The following ATF7IP2 variants were observed in gnomAD, a reference collection of about 807,000 sequenced individuals.
ATF7IP2 encodes the protein activating transcription factor 7 interacting protein 2, also known as activating transcription factor 7-interacting protein 2.
A neutral mutation model predicts 64.2 loss-of-function variants in ATF7IP2; 42 were observed. The observed-to-expected ratio is 0.65, with a 90% confidence interval of 0.51 to 0.85. The LOEUF is 0.85. Among genes scored for constraint, ATF7IP2 ranks in the 40% least tolerant of loss-of-function variants. The pLI, the probability that ATF7IP2 is intolerant of heterozygous loss-of-function variation, is 0.00. For missense variants in ATF7IP2, 933 were observed against 784.2 expected, an observed-to-expected ratio of 1.19 and a Z score of -2.27; for synonymous variants, 308 against 272.8, an observed-to-expected ratio of 1.13 and a Z score of -1.27.
chr16:10,479,495 C>T (rs1338510506), intron 12 of ATF7IP2, among the ~76,000 whole-genome samples: 87 of 151,894 alleles, frequency 5.7e-4, no homozygotes, highest in Non-Finnish European at 1.1e-3. Context: ...ACACTGGGGC[C>T]TGTTGTAGGG....
chr16:10,409,555 T>C (rs768065700), intron 1 of ATF7IP2, among the ~76,000 whole-genome samples: 27 of 152,102 alleles, frequency 1.8e-4, no homozygotes, highest in Non-Finnish European at 3.4e-4. Flanking sequence ...GCCTCCTAAG[T>C]AGCTGAGACT....
chr16:10,399,117 G>A (rs1426759793), intron 1 of ATF7IP2, among the ~76,000 whole-genome samples: 3 of 150,844 alleles, frequency 2.0e-5, no homozygotes, highest in Admixed American at 6.6e-5. Flanking sequence ...CAGACTAAAA[G>A]AAAAAAAAAG....
chr16:10,414,916 A>C (rs2141826007), intron 2 of ATF7IP2, among the ~76,000 whole-genome samples: 1 of 152,242 alleles, frequency 6.6e-6, no homozygotes, highest in Non-Finnish European at 1.5e-5. Context: ...CTAGTAACTA[A>C]CCGAAGATGT....
intron 4 of ATF7IP2, among the ~76,000 whole-genome samples, chr16:10,429,675 T>G (rs1413336666): frequency 6.6e-6 from 1 of 151,354 alleles, no homozygotes; most frequent in Non-Finnish European, 1.5e-5. Flanking sequence ...TAAGCTGGAA[T>G]GTTATGTATC....
intron 8 of ATF7IP2, among the ~76,000 whole-genome samples, chr16:10,451,456 C>G (rs1283303703): frequency 6.6e-6 from 1 of 152,152 alleles, no homozygotes; most frequent in Non-Finnish European, 1.5e-5. Flanking sequence ...GTACAACAAT[C>G]AAACATAGGT....
At chr16:10,473,148 G>T (rs981660770) in intron 10 of ATF7IP2, among the ~76,000 whole-genome samples, 1 of 152,178 alleles carries the variant, frequency 6.6e-6, no homozygotes, top group Non-Finnish European at 1.5e-5. Context: ...TCTCAGCCAT[G>T]TCAGGCAGTT....
chr16:10,451,046 A>C (rs1361878398), intron 8 of ATF7IP2, among the ~76,000 whole-genome samples: 1 of 152,160 alleles, frequency 6.6e-6, no homozygotes, highest in East Asian at 1.9e-4. Flanking sequence ...CTTGTCTGTA[A>C]AGGATTTTAT....
chr16:10,423,460 T>C (rs1440508195), intron 3 of ATF7IP2, among the ~76,000 whole-genome samples: 1 of 152,152 alleles, frequency 6.6e-6, no homozygotes, highest in East Asian at 1.9e-4. Context: ...GGTGGTGTAT[T>C]CTGACAGGGA....
At chr16:10,456,333 A>G (rs1489338401) in intron 8 of ATF7IP2, among the ~76,000 whole-genome samples, 1 of 152,204 alleles carries the variant, frequency 6.6e-6, no homozygotes, top group Non-Finnish European at 1.5e-5. Context: ...TATGCCCCGG[A>G]GAGAAAGTCA....
At chr16:10,471,118 T>G (rs536781937) in intron 9 of ATF7IP2, among the ~76,000 whole-genome samples, 5 of 152,204 alleles carry the variant, frequency 3.3e-5, no homozygotes, top group African/African-American at 7.2e-5. Context: ...AAAATGTTGC[T>G]GGAATAGAGG....
intron 9 of ATF7IP2, among the ~76,000 whole-genome samples, chr16:10,465,856 A>C (rs189939070): frequency 6.7e-4 from 102 of 152,224 alleles, no homozygotes; most frequent in African/African-American, 2.4e-3. Context: ...CCATTTTACA[A>C]ATGGATTTCT....
intron 9 of ATF7IP2, among the ~76,000 whole-genome samples, chr16:10,469,107 TAAG>T (rs1416052462): frequency 3.3e-5 from 5 of 152,104 alleles, no homozygotes; most frequent in African/African-American, 9.7e-5. Flanking sequence ...TGACATCTAA[TAAG>T]AAATTCCCAG....
At chr16:10,434,420 G>C (rs59112484) in intron 6 of ATF7IP2, among the ~76,000 whole-genome samples, 1 of 151,894 alleles carries the variant, frequency 6.6e-6, no homozygotes, top group Non-Finnish European at 1.5e-5. Context: ...AAATTTCCCC[G>C]TCTAAACTAC....
chr16:10,395,401 A>G (rs2047402859), intron 1 of ATF7IP2, among the ~76,000 whole-genome samples: 1 of 152,196 alleles, frequency 6.6e-6, no homozygotes, highest in African/African-American at 2.4e-5. Flanking sequence ...CAATTCTTTC[A>G]AGAAATAGAA....
chr16:10,431,261 A>T lies in ATF7IP2; in HGVS notation c.641A>T (p.Gln214Leu). 2.5e-6 allele frequency: 4 copies of T among 1,614,212 alleles called. No homozygotes were observed. The highest frequency in any genetic ancestry group is 3.4e-6 in the Non-Finnish European group (4 of 1,180,024). The change falls in exon 5 of 14, where the codon CAA (glutamine) becomes CTA (leucine). Residue 214 changes from glutamine to leucine, a missense_variant. Gln to Leu is a moderately radical substitution (Grantham distance 113). Coordinates refer to ENST00000562102, the MANE Select transcript of ATF7IP2 (RefSeq NM_001393719.1). ...AATTCAGAATCACATGATAAAAGGCAAAGTGACAACATTTTATGTTCAGAA... is the reference window on the plus strand; with the variant it reads ...AATTCAGAATCACATGATAAAAGGCTAAGTGACAACATTTTATGTTCAGAA... ...NSNSESHDKR[Q>L]SDNILCSEDS...
chr16:10,409,774 C>T (rs914079841), intron 1 of ATF7IP2, among the ~76,000 whole-genome samples: 2 of 152,172 alleles, frequency 1.3e-5, no homozygotes, highest in African/African-American at 4.8e-5. Flanking sequence ...AGATGAGGAT[C>T]CAGTTTCATT....
intron 1 of ATF7IP2, among the ~76,000 whole-genome samples, chr16:10,409,167 G>C (rs1159526678): frequency 2.0e-5 from 3 of 152,120 alleles, no homozygotes; most frequent in Non-Finnish European, 4.4e-5. Flanking sequence ...TTGGCTATTT[G>C]TGGATATTTT....
chr16:10,446,942 C>T (rs2048827531), intron 8 of ATF7IP2: 1 of 152,190 alleles, frequency 6.6e-6, no homozygotes, highest in South Asian at 2.1e-4. Flanking sequence ...CCCCCTGCCC[C>T]CCAACCACTG....
At chr16:10,416,749 A>G (rs1460853916) in intron 2 of ATF7IP2, among the ~76,000 whole-genome samples, 1 of 152,180 alleles carries the variant, frequency 6.6e-6, no homozygotes. Context: ...TTGAGCCAAG[A>G]TCACACCACT....
Sources: allele counts gnomAD v4.1 joint callset (sites outside exome capture counted in the v4.1 genomes callset), GRCh38; gene constraint gnomAD v4.1.1; transcripts MANE v1.5; gene names NCBI Gene and HGNC (gene_info 2026-07-23, HGNC 2026-07-21).